Variants in IMPA1 observed in about 807,000 individuals in gnomAD.
IMPA1 encodes the protein D-galactose 1-phosphate phosphatase.
In IMPA1, 21 loss-of-function variants were observed where a neutral mutation model predicts 34.9. The observed-to-expected ratio is 0.60, with a 90% CI of 0.43 to 0.87. The LOEUF (loss-of-function observed/expected upper bound fraction) is 0.87. Among genes scored for constraint, IMPA1 ranks in the 40% least tolerant of loss-of-function variants. The pLI is 0.00. For missense variants in IMPA1, 299 were observed against 336.4 expected (o/e 0.89, Z 0.87); for synonymous variants, 95 against 104.4 (o/e 0.91, Z 0.55).
chr8:81,686,143 C>G, intron 1 of IMPA1, 109 bp downstream of exon 1: 4 of 850,400 alleles, frequency 4.7e-6, no homozygotes, highest in Non-Finnish European at 6.1e-6. Flanking sequence ...CCCTAGGCGC[C>G]GACCGCGCAC....
At chr8:81,685,803 G>C in intron 1 of IMPA1, 3 of 1,543,122 alleles carry the variant, frequency 1.9e-6, no homozygotes, top group Non-Finnish European at 2.6e-6. Flanking sequence ...ACTGTTTCCT[G>C]CTGTTTCTGT....
At chr8:81,679,079 C>A (rs1807215755) in intron 4 of IMPA1, 47 bp downstream of exon 4, 3 of 1,223,572 alleles carry the variant, frequency 2.5e-6, no homozygotes, top group East Asian at 2.3e-5. Flanking sequence ...ATAGGTCAAT[C>A]CAGTTAATAT....
In IMPA1 at chr8:81,686,241, A is replaced by G. The variant is rs1807522634; in HGVS notation, c.-25+11T>C. ...ACCCGGAGGGTGCGGTGAGGAAAAT[A>G]ACGGTCTCACCTTGAGTCGGAGGAC... On this transcript the variant is annotated intron_variant, in intron 1 of 8. Coordinates refer to ENST00000256108, the MANE Select transcript of IMPA1 (RefSeq NM_005536.4). 3 of 1,024,984 alleles carry G rather than the reference A, an allele frequency of 2.9e-6. No individual in the cohort carries two copies. The highest frequency in any genetic ancestry group is 3.5e-6 in the Non-Finnish European group (3 of 852,246). The allele number at this position is 1,024,984 out of a possible 1,614,324, so 63.5% of individuals were successfully genotyped here.
chr8:81,684,047 A>T (rs1003869082), intron 1 of IMPA1, among the ~76,000 whole-genome samples: 8 of 151,694 alleles, frequency 5.3e-5, no homozygotes, highest in African/African-American at 1.9e-4. Flanking sequence ...GTGGGCCAAG[A>T]TTCCTGTCAA....
At chr8:81,664,432 G>A (rs935919500) in intron 7 of IMPA1, among the ~76,000 whole-genome samples, 2 of 152,154 alleles carry the variant, frequency 1.3e-5, no homozygotes, top group African/African-American at 4.8e-5. Flanking sequence ...GGGCAGAGAA[G>A]GCAGAAAAGA....
chr8:81,671,096 T>G (rs1274079008), intron 6 of IMPA1, 49 bp from the exon 7 acceptor site: 1 of 842,004 alleles, frequency 1.2e-6, no homozygotes, highest in Non-Finnish European at 1.8e-6. Context: ...AGAAAATACC[T>G]GACACTTGTA....
rs34432369 is a variant in IMPA1, at chr8:81,684,097, C to CTATATATA, written c.-25+2147_-25+2154dup. ...ATGAGCCAGGAATGGTGGATGCAAACTATATATATATATATATACACACAC... is the reference window on the plus strand; with the variant it reads ...ATGAGCCAGGAATGGTGGATGCAAACTATATATATATATATATATATATATACACACAC... On this transcript the variant is annotated intron_variant, in intron 1 of 8. Transcript: ENST00000256108. Among the ~76,000 whole-genome samples the CTATATATA allele has an allele frequency of 1.6e-4, 22 of 137,626 alleles. 1 individual carries two copies. The highest frequency in any genetic ancestry group is 6.2e-4 in the African/African-American group (21 of 33,758). The allele number at this position is 137,626 out of a possible 152,430, so 90.3% of individuals were successfully genotyped here.
chr8:81,673,517 C>G (rs1807047566), intron 6 of IMPA1, among the ~76,000 whole-genome samples: 1 of 152,142 alleles, frequency 6.6e-6, no homozygotes, highest in African/African-American at 2.4e-5. Context: ...GCTGTGTCAC[C>G]TTAACTCCTT....
chr8:81,666,174 C>T (rs531028484), intron 7 of IMPA1, among the ~76,000 whole-genome samples: 14 of 151,864 alleles, frequency 9.2e-5, no homozygotes, highest in Non-Finnish European at 1.6e-4. Flanking sequence ...AGGCAATAGG[C>T]GAAGCCAAAA....
intron 1 of IMPA1, among the ~76,000 whole-genome samples, chr8:81,684,388 T>C (rs1253303945): frequency 1.4e-5 from 2 of 145,446 alleles, no homozygotes; most frequent in Non-Finnish European, 3.0e-5. Flanking sequence ...ATATATAGTA[T>C]ATATACCATA....
At chr8:81,682,980 T>A (rs1807344987) in intron 1 of IMPA1, among the ~76,000 whole-genome samples, 1 of 152,032 alleles carries the variant, frequency 6.6e-6, no homozygotes, top group African/African-American at 2.4e-5. Context: ...AAATAACAAC[T>A]GGAATAATAT....
rs975478334 is a variant in IMPA1, at chr8:81,670,289, A to T, written c.566+650T>A. Among the ~76,000 whole-genome samples, 8 of 152,292 alleles carry T rather than the reference A, an allele frequency of 5.3e-5. No individual in the cohort carries two copies. In the South Asian group the frequency reaches 1.7e-3, roughly 32 times the overall value. ...TTTATGGGATACAATGAAAACAATGATCAGATGAAATTCATAGCCTAAATA... is the reference window on the plus strand; with the variant it reads ...TTTATGGGATACAATGAAAACAATGTTCAGATGAAATTCATAGCCTAAATA... On this transcript the variant is annotated intron_variant, in intron 7 of 8. Coordinates refer to ENST00000256108, the MANE Select transcript of IMPA1 (RefSeq NM_005536.4).
chr8:81,657,191 A>T lies in IMPA1; in HGVS notation c.*2160T>A, dbSNP rs1051159174. ...AGATGGAAAAGCTATTGTAGAAAAA[A>T]ATATAGGTTTTTAGAAAAGTTGGAA... is the stretch of plus-strand genomic sequence containing the variant. On this transcript the variant is annotated 3_prime_UTR_variant, in exon 9 of 9. Coordinates refer to ENST00000256108, the MANE Select transcript of IMPA1 (RefSeq NM_005536.4). 7.2e-5 allele frequency among the ~76,000 whole-genome samples: 11 copies of T among 152,230 alleles called. No homozygotes were observed. The highest frequency in any genetic ancestry group is 1.3e-4 in the Admixed American group (2 of 15,284).
chr8:81,675,996 T>C (rs929401903), intron 5 of IMPA1, among the ~76,000 whole-genome samples: 1 of 152,260 alleles, frequency 6.6e-6, no homozygotes, highest in African/African-American at 2.4e-5. Context: ...TACTGAGTTG[T>C]ATTTCAGTTA....
intron 7 of IMPA1, among the ~76,000 whole-genome samples, chr8:81,663,610 T>C (rs114284809): frequency 0.011 from 1,611 of 152,318 alleles, 17 homozygotes; most frequent in African/African-American, 0.035. Context: ...TTATAACTCA[T>C]TGATAATATT....
chr8:81,670,134 T>C (rs1806945176), intron 7 of IMPA1, among the ~76,000 whole-genome samples: 1 of 152,180 alleles, frequency 6.6e-6, no homozygotes, highest in Non-Finnish European at 1.5e-5. Flanking sequence ...TCAGGTATTA[T>C]AAGCAACAGA....
intron 1 of IMPA1, among the ~76,000 whole-genome samples, chr8:81,684,239 C>A (rs553973110): frequency 5.6e-5 from 8 of 142,450 alleles, no homozygotes; most frequent in African/African-American, 2.1e-4. Flanking sequence ...ATATACCATA[C>A]ATAAGTATAT....
intron 4 of IMPA1, 29 bp from the exon 5 acceptor site, chr8:81,676,308 A>T (rs1188170629): frequency 9.1e-7 from 1 of 1,101,104 alleles, no homozygotes; most frequent in Non-Finnish European, 1.3e-6. Context: ...ACAAAATACA[A>T]ATTAACCAAC....
intron 1 of IMPA1, chr8:81,686,023 T>A (rs1287864928): frequency 1.5e-6 from 2 of 1,324,976 alleles, no homozygotes; most frequent in African/African-American, 3.0e-5. Flanking sequence ...CCACAGAGGT[T>A]AAGTGAGGTC....
Sources: gnomAD v4.1 joint callset for allele counts (sites outside exome capture counted in the v4.1 genomes callset) on GRCh38, gnomAD v4.1.1 for gene constraint, MANE v1.5 for transcripts, NCBI Gene and HGNC (gene_info 2026-07-23, HGNC 2026-07-21) for gene names.